The following STRN3 variants were observed in gnomAD, a reference collection of about 807,000 sequenced individuals.
STRN3 encodes the protein striatin-3.
STRN3 carries 29 observed loss-of-function variants against 95.6 expected under a neutral mutation model. The observed-to-expected ratio is 0.30, with a 90% CI of 0.23 to 0.41. The LOEUF (loss-of-function observed/expected upper bound fraction) is 0.41, where lower values mean the gene tolerates loss of function less well. STRN3 is among the 10% of genes least tolerant of loss of function. The pLI is 1.00. For synonymous variants in STRN3, 331 were observed against 357.6 expected (o/e 0.93, Z 0.84); for missense variants, 890 against 972.1 (o/e 0.92, Z 1.12).
chr14:30,947,295 T>C, intron 4 of STRN3, 32 bp from the exon 5 acceptor site: 1 of 1,517,282 alleles, frequency 6.6e-7, no homozygotes. Flanking sequence ...AAAATCCACA[T>C]ACTGTTAACA....
At chr14:30,976,462 G>T (rs1010164540) in intron 1 of STRN3, among the ~76,000 whole-genome samples, 42 of 152,182 alleles carry the variant, frequency 2.8e-4, no homozygotes, top group African/African-American at 9.9e-4. Flanking sequence ...GTAACTGAGA[G>T]ATCCAGCAAG....
At chr14:30,975,892 G>C (rs1007065094) in intron 1 of STRN3, among the ~76,000 whole-genome samples, 10 of 135,606 alleles carry the variant, frequency 7.4e-5, no homozygotes, top group African/African-American at 2.7e-4. Context: ...TGTTTTATAA[G>C]TCCTAGGATA....
chr14:30,919,362 G>GATATATATAT (rs149599396), intron 8 of STRN3, among the ~76,000 whole-genome samples: 2 of 146,502 alleles, frequency 1.4e-5, no homozygotes, highest in African/African-American at 5.0e-5. Flanking sequence ...TCTCTAAAGA[G>GATATATATAT]ATATATATAT....
At chr14:30,949,567 C>T (rs1453813082) in intron 4 of STRN3, among the ~76,000 whole-genome samples, 7 of 151,990 alleles carry the variant, frequency 4.6e-5, no homozygotes, top group African/African-American at 1.7e-4. Flanking sequence ...GCTGAGATGG[C>T]GCCACTGTAC....
Position 30,907,060 on chromosome 14 carries a change from A to G in STRN3, c.1721-16T>C, listed in dbSNP as rs1163524354. On this transcript the variant is annotated splice_polypyrimidine_tract_variant and intron_variant, in intron 13 of 17. Coordinates refer to ENST00000357479, the MANE Select transcript of STRN3 (RefSeq NM_001083893.2). Reference sequence around the variant, plus strand: ...ACATTTGGCTCTGGGGAAAAAACAAACAAACAAAAAATTAGGTAAAAGAAG... The same window carrying G: ...ACATTTGGCTCTGGGGAAAAAACAAGCAAACAAAAAATTAGGTAAAAGAAG... 6.3e-7 allele frequency: 1 copy of G among 1,595,494 alleles called. No homozygotes were observed. The highest frequency in any genetic ancestry group is 8.5e-7 in the Non-Finnish European group (1 of 1,174,798).
chr14:30,962,071 A>C (rs998799911), intron 1 of STRN3, among the ~76,000 whole-genome samples: 2 of 152,182 alleles, frequency 1.3e-5, no homozygotes, highest in African/African-American at 2.4e-5. Context: ...GTGGGATAAG[A>C]TGTGGAGGTA....
intron 5 of STRN3, among the ~76,000 whole-genome samples, chr14:30,938,450 T>C (rs565733171): frequency 1.3e-5 from 2 of 152,226 alleles, no homozygotes; most frequent in Non-Finnish European, 2.9e-5. Flanking sequence ...TTTAAAGATA[T>C]ATTTGTTTTG....
chr14:30,899,647 A>G (rs1277776427), intron 16 of STRN3, among the ~76,000 whole-genome samples: 1 of 152,052 alleles, frequency 6.6e-6, no homozygotes, highest in Non-Finnish European at 1.5e-5. Flanking sequence ...AAATATCCCC[A>G]TACCTGTAAC....
chr14:30,957,512 A>C (rs1208773223), intron 1 of STRN3, among the ~76,000 whole-genome samples: 1 of 151,532 alleles, frequency 6.6e-6, no homozygotes, highest in Non-Finnish European at 1.5e-5. Flanking sequence ...CCATTGTACC[A>C]CCCCACTCCA....
At chr14:30,998,913 C>A (rs1368053240) in intron 1 of STRN3, among the ~76,000 whole-genome samples, 1 of 152,114 alleles carries the variant, frequency 6.6e-6, no homozygotes, top group Non-Finnish European at 1.5e-5. Context: ...CAAATCCAGC[C>A]TGGGCAACAC....
intron 1 of STRN3, among the ~76,000 whole-genome samples, chr14:30,972,047 A>ATTGT (rs894994623): frequency 6.3e-4 from 96 of 152,338 alleles, no homozygotes; most frequent in African/African-American, 2.3e-3. Context: ...AAGGGGAGGG[A>ATTGT]TTGTTAGATA....
intron 5 of STRN3, among the ~76,000 whole-genome samples, chr14:30,939,666 C>T (rs1202106717): frequency 6.6e-6 from 1 of 152,080 alleles, no homozygotes; most frequent in Non-Finnish European, 1.5e-5. Context: ...ATTGACAAGG[C>T]ATACAATGAG....
chr14:30,948,914 A>T (rs899925813), intron 4 of STRN3, among the ~76,000 whole-genome samples: 13 of 152,200 alleles, frequency 8.5e-5, no homozygotes, highest in African/African-American at 3.1e-4. Flanking sequence ...TACTCTAACC[A>T]CTTGGTCTGA....
intron 1 of STRN3, chr14:31,025,307 G>A (rs566690585): frequency 6.4e-6 from 1 of 155,510 alleles, no homozygotes. Context: ...AGGTGAGAAA[G>A]TACTTAAAGT....
chr14:30,895,672 C>G lies in STRN3; in HGVS notation c.2214G>C (p.Leu738Phe). Residue 738 changes from leucine (L) to phenylalanine (F), a missense_variant, in exon 17 of 18, where the codon TTG (leucine) becomes TTC (phenylalanine). Physicochemically the swap from Leu to Phe is conservative, Grantham distance 22. This residue lies in a region of STRN3 where 357 missense variants were observed against 422.8 expected (regional missense o/e 0.84). Coordinates refer to ENST00000357479, the MANE Select transcript of STRN3 (RefSeq NM_001083893.2). ...GACTTTAAGACTTACTTCCAGACAT[C>G]AAATAGATTCCATTAGGATCTACTG... The part of the protein sequence containing the change: ...SLAVDPNGIY[L>F]MSGSHDCSIR... 1 of 1,613,594 alleles carries G rather than the reference C, an allele frequency of 6.2e-7. No individual in the cohort carries two copies. Among genetic ancestry groups the G allele is most frequent in the South Asian group, 1.1e-5 (1 of 90,928 alleles).
At chr14:30,963,132 C>A (rs773971320) in intron 1 of STRN3, among the ~76,000 whole-genome samples, 2 of 152,072 alleles carry the variant, frequency 1.3e-5, no homozygotes, top group Non-Finnish European at 2.9e-5. Context: ...CACACACACA[C>A]CTAGTAACAG....
rs1566427150 is a variant in STRN3 at position 30,905,398 on chromosome 14, GA to G, written c.2029+19del. ...TAATAACCCTTTTTAAGGTTTCAAA[GA>G]AACTCCATGAAAACTTACCAGAATC... On this transcript the variant is annotated intron_variant, in intron 15 of 17. Transcript: ENST00000357479. 3 of 1,575,668 alleles carry G rather than the reference GA, an allele frequency of 1.9e-6. No homozygotes were observed. Among genetic ancestry groups the G allele is most frequent in the African/African-American group, 1.4e-5 (1 of 73,006 alleles).
chr14:30,911,026 G>C lies in STRN3; in HGVS notation c.1720+15C>G, dbSNP rs750436256. On this transcript the variant is annotated intron_variant, in intron 13 of 17. Coordinates refer to ENST00000357479, the MANE Select transcript of STRN3 (RefSeq NM_001083893.2). ...CATTCACTTAAAAAAAATACATTTT[G>C]ATCATTTTACTTACCATATGTATCA... The C allele has an allele frequency of 3.1e-6, 5 of 1,608,240 alleles. No individual in the cohort carries two copies. Among genetic ancestry groups the C allele is most frequent in the Admixed American group, 1.7e-5 (1 of 58,590 alleles).
intron 1 of STRN3, among the ~76,000 whole-genome samples, chr14:30,987,300 G>T (rs1881739372): frequency 6.6e-6 from 1 of 152,164 alleles, no homozygotes; most frequent in African/African-American, 2.4e-5. Flanking sequence ...AGGGTCAGGA[G>T]ATCGAGACTA....
Sources: allele counts gnomAD v4.1 joint callset (sites outside exome capture counted in the v4.1 genomes callset), GRCh38; gene constraint gnomAD v4.1.1; regional missense constraint gnomAD v4.1.1; transcripts MANE v1.5; gene names NCBI Gene and HGNC (gene_info 2026-07-23, HGNC 2026-07-21).